Variants in KIAA1217 observed in about 807,000 individuals in gnomAD.
KIAA1217 encodes KIAA1217.
KIAA1217 carries 88 observed loss-of-function variants against 163.9 expected under a neutral mutation model. The observed-to-expected ratio is 0.54, with a 90% confidence interval of 0.45 to 0.64. KIAA1217 has a LOEUF of 0.64. Among genes scored for constraint, KIAA1217 ranks in the 30% least tolerant of loss-of-function variants. The pLI is 0.00. For missense variants in KIAA1217, 2,372 were observed against 2,475.0 expected, an observed-to-expected ratio of 0.96 and a Z score of 0.88; for synonymous variants, 903 against 923.1, an observed-to-expected ratio of 0.98 and a Z score of 0.39.
At chr10:24,247,022 AAC>A (rs199720793) in intron 2 of KIAA1217, among the ~76,000 whole-genome samples, 17 of 144,092 alleles carry the variant, frequency 1.2e-4, no homozygotes, top group East Asian at 4.3e-4. Flanking sequence ...CAAAAAAAAA[AAC>A]AACCATATAT....
intron 2 of KIAA1217, among the ~76,000 whole-genome samples, chr10:24,115,796 T>A (rs560096286): frequency 3.8e-4 from 58 of 151,916 alleles, no homozygotes; most frequent in African/African-American, 1.3e-3. Flanking sequence ...ACTGGGGAGG[T>A]TCCTGGATAC....
chr10:23,743,336 T>C (rs1215035068), intron 1 of KIAA1217, among the ~76,000 whole-genome samples: 3 of 152,176 alleles, frequency 2.0e-5, no homozygotes, highest in Admixed American at 6.5e-5. Context: ...CTGGTTTTCT[T>C]ATTTCTTTTG....
At chr10:24,180,152 A>T (rs1385312579) in intron 2 of KIAA1217, among the ~76,000 whole-genome samples, 2 of 152,268 alleles carry the variant, frequency 1.3e-5, no homozygotes, top group African/African-American at 4.8e-5. Flanking sequence ...CCTTTGACTC[A>T]GAAAAATCCT....
chr10:24,093,410 G>A (rs547966910), intron 2 of KIAA1217, among the ~76,000 whole-genome samples: 1 of 151,346 alleles, frequency 6.6e-6, no homozygotes, highest in Non-Finnish European at 1.5e-5. Flanking sequence ...GATCTCCGAT[G>A]ATCCACCCAC....
At chr10:23,800,629 A>C (rs75332106) in intron 1 of KIAA1217, among the ~76,000 whole-genome samples, 4,078 of 152,288 alleles carry the variant, frequency 0.027, 183 homozygotes, top group African/African-American at 0.09. Flanking sequence ...CAGATACAGA[A>C]GTGGACACCA....
Position 24,106,120 on chromosome 10 carries a change from T to C in KIAA1217, c.-171+98746T>C, listed in dbSNP as rs78270388. 7.3e-3 allele frequency among the ~76,000 whole-genome samples: 1,104 copies of C among 152,274 alleles called. 9 individuals carry two copies. Among genetic ancestry groups the C allele is most frequent in the African/African-American group, 0.025 (1,028 of 41,562 alleles). On this transcript the variant is annotated intron_variant, in intron 2 of 18. Coordinates refer to the KIAA1217 transcript ENST00000376462. ...TCAGATGGTGGCAGTGTATGTGATA[T>C]GTTCTGTGTAATCATTTCCAGGACA...
At chr10:24,407,810 G>A (rs2057377168) in intron 3 of KIAA1217, among the ~76,000 whole-genome samples, 1 of 152,262 alleles carries the variant, frequency 6.6e-6, no homozygotes, top group East Asian at 1.9e-4. Flanking sequence ...TGGCCTGGTA[G>A]CCCCACCTTA....
intron 3 of KIAA1217, among the ~76,000 whole-genome samples, chr10:24,388,048 A>G (rs2130720307): frequency 6.6e-6 from 1 of 152,306 alleles, no homozygotes. Flanking sequence ...GAATTGGAAA[A>G]GACTACTTTA....
chr10:24,368,719 C>G (rs1467193497), intron 2 of KIAA1217: 1 of 242,658 alleles, frequency 4.1e-6, no homozygotes, highest in Non-Finnish European at 6.6e-6. Context: ...CATGGTGGAT[C>G]CATTAAAGGT....
intron 2 of KIAA1217, among the ~76,000 whole-genome samples, chr10:24,018,358 A>C (rs1847582375): frequency 6.6e-6 from 1 of 152,062 alleles, no homozygotes; most frequent in Admixed American, 6.6e-5. Flanking sequence ...CAGTGAAATA[A>C]TAACTGAAAG....
chr10:23,815,096 G>C (rs1837253689), intron 1 of KIAA1217, among the ~76,000 whole-genome samples: 1 of 152,072 alleles, frequency 6.6e-6, no homozygotes, highest in Non-Finnish European at 1.5e-5. Flanking sequence ...CTCAAGAAAA[G>C]TTTTATAAAT....
rs1271920619 is a variant in KIAA1217 at position 24,219,779 on chromosome 10, C to T, written c.224C>T (p.Ser75Phe). The T allele has an allele frequency of 6.2e-7, 1 of 1,613,740 alleles. No individual in the cohort carries two copies. The highest frequency in any genetic ancestry group is 1.7e-5 in the Admixed American group (1 of 59,972). Reference protein sequence around the residue: ...RRHTLGGPRSSKEILGMQTSE... With the variant: ...RRHTLGGPRSFKEILGMQTSE... The stretch of plus-strand genomic sequence containing the variant: ...CACACCCTAGGGGGGCCCCGAAGTT[C>T]CAAGGAAATACTGGGAATGCAAACA... The change falls in exon 2 of 21, where the codon TCC becomes TTC. Residue 75 changes from serine (S) to phenylalanine (F), a missense_variant. This residue lies in a region of KIAA1217 where 1,431 missense variants were observed against 1,470.3 expected (regional missense o/e 0.97). Coordinates refer to ENST00000376454, the MANE Select transcript of KIAA1217 (RefSeq NM_019590.5).
chr10:24,380,568 G>A (rs369461375), intron 2 of KIAA1217, among the ~76,000 whole-genome samples: 5 of 151,916 alleles, frequency 3.3e-5, no homozygotes, highest in Admixed American at 2.0e-4. Context: ...CTTGAAAACC[G>A]GAGGTGGAGG....
At chr10:23,858,440 T>G (rs1260433028) in intron 1 of KIAA1217, among the ~76,000 whole-genome samples, 3 of 152,094 alleles carry the variant, frequency 2.0e-5, no homozygotes, top group African/African-American at 7.2e-5. Flanking sequence ...ATGCTGTATA[T>G]ATATATATAC....
intron 2 of KIAA1217, among the ~76,000 whole-genome samples, chr10:24,349,132 CAAAAAA>C (rs11318554): frequency 3.8e-5 from 4 of 105,534 alleles, no homozygotes; most frequent in African/African-American, 3.7e-5. Flanking sequence ...GACCCTGTCT[CAAAAAA>C]AAAAAAAAAA....
chr10:24,422,199 C>A (rs758199568), intron 3 of KIAA1217, among the ~76,000 whole-genome samples: 1 of 152,138 alleles, frequency 6.6e-6, no homozygotes, highest in Non-Finnish European at 1.5e-5. Context: ...AGTTACCTCC[C>A]ACCAGGTCCC....
At chr10:23,893,824 G>T (rs1265880066) in intron 1 of KIAA1217, among the ~76,000 whole-genome samples, 1 of 152,124 alleles carries the variant, frequency 6.6e-6, no homozygotes, top group South Asian at 2.1e-4. Context: ...GGGATGCAAG[G>T]CTGGTTCAAT....
chr10:23,885,274 G>C (rs529523009), intron 1 of KIAA1217, among the ~76,000 whole-genome samples: 2 of 151,948 alleles, frequency 1.3e-5, no homozygotes, highest in African/African-American at 4.8e-5. Context: ...TGTGTGGTGA[G>C]AACACTTAAG....
intron 2 of KIAA1217, among the ~76,000 whole-genome samples, chr10:24,296,698 T>C (rs1014321882): frequency 6.6e-6 from 1 of 152,212 alleles, no homozygotes; most frequent in African/African-American, 2.4e-5. Context: ...AAATCTTGGA[T>C]TTGTTATTTC....
Sources: gnomAD v4.1 joint callset for allele counts (sites outside exome capture counted in the v4.1 genomes callset) on GRCh38, gnomAD v4.1.1 for gene constraint, gnomAD v4.1.1 regional missense constraint, MANE v1.5 for transcripts, NCBI Gene and HGNC (gene_info 2026-07-23, HGNC 2026-07-21) for gene names.